Variants in MMP26 observed in about 807,000 individuals in gnomAD.
MMP26 encodes matrix metallopeptidase 26, also known as matrix metalloproteinase-26.
MMP26 carries 33 observed loss-of-function variants against 31.0 expected under a neutral mutation model. That is an observed-to-expected ratio of 1.06 (90% confidence interval 0.81 to 1.42). MMP26 has a LOEUF of 1.42. MMP26 is among the 40% of genes most tolerant of loss of function. The pLI, the probability that MMP26 is intolerant of heterozygous loss-of-function variation, is 0.00. For synonymous variants in MMP26, 122 were observed against 114.9 expected (o/e 1.06, Z -0.40); for missense variants, 347 against 316.1 (o/e 1.10, Z -0.74).
At position 4,789,354 on chromosome 11, in the gene MMP26, T is replaced by C. The variant is rs537403529; in HGVS notation, c.-145+22013T>C. 5.9e-5 allele frequency among the ~76,000 whole-genome samples: 9 copies of C among 152,126 alleles called. No individual in the cohort carries two copies. The East Asian group carries it at 1.5e-3, about 26-fold the overall frequency. On this transcript the variant is annotated intron_variant, in intron 2 of 7. Coordinates refer to ENST00000380390, the MANE Select transcript of MMP26 (RefSeq NM_021801.5). ...CTCTATTTCTATCTGGAAAATAAAG[T>C]GATTTTGGGGTCTCTGTTACTATAT...
chr11:4,954,230 G>C (rs1172809411), intron 2 of MMP26, among the ~76,000 whole-genome samples: 1 of 90,262 alleles, frequency 1.1e-5, no homozygotes, highest in Admixed American at 1.4e-4. Context: ...TGACTTCTAG[G>C]GTGGGGAAAT....
chr11:4,929,855 T>G (rs1851322349), intron 2 of MMP26, among the ~76,000 whole-genome samples: 1 of 152,170 alleles, frequency 6.6e-6, no homozygotes, highest in Non-Finnish European at 1.5e-5. Flanking sequence ...GTGAATGCTA[T>G]TTTTAATTCA....
chr11:4,908,399 G>A (rs1177534024), intron 2 of MMP26: 1 of 1,077,274 alleles, frequency 9.3e-7, no homozygotes, highest in East Asian at 2.4e-5. Flanking sequence ...ACTAATGAAG[G>A]ACTGGATGAT....
At chr11:4,706,918 T>C (rs1001707601) in intron 1 of MMP26, among the ~76,000 whole-genome samples, 2 of 152,230 alleles carry the variant, frequency 1.3e-5, no homozygotes, top group Non-Finnish European at 2.9e-5. Context: ...TATTACTGCT[T>C]TTAAGGTTGA....
At chr11:4,818,790 T>G (rs553307170) in intron 2 of MMP26, among the ~76,000 whole-genome samples, 96 of 152,296 alleles carry the variant, frequency 6.3e-4, no homozygotes, top group African/African-American at 2.1e-3. Flanking sequence ...AGGTACTTAA[T>G]AAATGGATGT....
intron 2 of MMP26, among the ~76,000 whole-genome samples, chr11:4,874,921 C>G (rs1397506901): frequency 6.6e-6 from 1 of 152,014 alleles, no homozygotes; most frequent in South Asian, 2.1e-4. Context: ...TTGCTGCTAA[C>G]TCAAGATGAC....
chr11:4,862,175 C>T (rs933768159), intron 2 of MMP26, among the ~76,000 whole-genome samples: 1 of 152,162 alleles, frequency 6.6e-6, no homozygotes, highest in Non-Finnish European at 1.5e-5. Flanking sequence ...TCCATAGTAG[C>T]TTAAGGTTTC....
intron 2 of MMP26, chr11:4,848,449 C>T: frequency 6.2e-7 from 1 of 1,613,710 alleles, no homozygotes; most frequent in South Asian, 1.1e-5. Context: ...AGGAGCACTG[C>T]AGAGAGGTGG....
intron 1 of MMP26, among the ~76,000 whole-genome samples, chr11:4,734,742 T>A (rs1419434794): frequency 1.3e-5 from 1 of 74,442 alleles, no homozygotes; most frequent in Non-Finnish European, 2.8e-5. Context: ...CCCTTTCCTC[T>A]TGGACTTACA....
At chr11:4,989,324 A>G (rs923379767) in intron 3 of MMP26, among the ~76,000 whole-genome samples, 1 of 152,236 alleles carries the variant, frequency 6.6e-6, no homozygotes, top group African/African-American at 2.4e-5. Flanking sequence ...ACCAGAGGCC[A>G]TCTTCCCCGG....
chr11:4,816,759 A>C lies in MMP26; in HGVS notation c.-145+49418A>C, dbSNP rs918817090. Among the ~76,000 whole-genome samples the C allele has an allele frequency of 6.7e-5, 9 of 133,744 alleles. 1 individual carries two copies. The highest frequency in any genetic ancestry group is 9.1e-5 in the Non-Finnish European group (6 of 65,690). The allele number at this position is 133,744 out of a possible 152,430, so 87.7% of individuals were successfully genotyped here. Reference sequence around the variant, plus strand: ...CGCTCTATTGCCCAGGCTGGAACTCAGTGGCGGGATCTCGGCTCACTGCAA... The same window carrying C: ...CGCTCTATTGCCCAGGCTGGAACTCCGTGGCGGGATCTCGGCTCACTGCAA... On this transcript the variant is annotated intron_variant, in intron 2 of 7. Coordinates refer to ENST00000380390, the MANE Select transcript of MMP26 (RefSeq NM_021801.5).
chr11:4,966,667 C>T (rs112966490), intron 2 of MMP26, among the ~76,000 whole-genome samples: 1,926 of 152,200 alleles, frequency 0.013, 52 homozygotes, highest in African/African-American at 0.043. Flanking sequence ...GTGTGAACAA[C>T]GTTAGTTCAT....
At chr11:4,848,174 G>T in intron 2 of MMP26, 7 of 1,504,216 alleles carry the variant, frequency 4.7e-6, no homozygotes, top group Non-Finnish European at 6.3e-6. Flanking sequence ...TTGGTGAGCT[G>T]AGTTCTCACA....
intron 1 of MMP26, chr11:4,723,245 A>G: frequency 8.1e-7 from 1 of 1,234,196 alleles, no homozygotes; most frequent in Non-Finnish European, 1.2e-6. Context: ...GAGCCGGCTG[A>G]TGTTCCAGTT....
chr11:4,894,292 TTAA>T (rs1292931643), intron 2 of MMP26, among the ~76,000 whole-genome samples: 1 of 152,188 alleles, frequency 6.6e-6, no homozygotes, highest in Non-Finnish European at 1.5e-5. Flanking sequence ...CATAGAGAGA[TTAA>T]TTTCTCAAAG....
chr11:4,962,071 A>G lies in MMP26; in HGVS notation c.-144-25997A>G, dbSNP rs193092671. 3.3e-5 allele frequency among the ~76,000 whole-genome samples: 5 copies of G among 151,914 alleles called. No individual in the cohort carries two copies. The East Asian group carries it at 9.7e-4, about 30-fold the overall frequency. On this transcript the variant is annotated intron_variant, in intron 2 of 7. Coordinates refer to ENST00000380390, the MANE Select transcript of MMP26 (RefSeq NM_021801.5). ...GTTTGTTTTTTGTATATTTATTCCTATCCTATCTGCTGGTAAGCACAAATT... is the reference window on the plus strand; with the variant it reads ...GTTTGTTTTTTGTATATTTATTCCTGTCCTATCTGCTGGTAAGCACAAATT...
intron 2 of MMP26, among the ~76,000 whole-genome samples, chr11:4,880,925 G>A (rs893430410): frequency 3.3e-5 from 5 of 152,098 alleles, no homozygotes; most frequent in Admixed American, 2.0e-4. Context: ...CAGAAAATAG[G>A]GATGTTGACC....
chr11:4,786,968 A>T (rs989008185), intron 2 of MMP26: 1 of 152,844 alleles, frequency 6.5e-6, no homozygotes, highest in African/African-American at 2.4e-5. Flanking sequence ...TCTGCCGCTG[A>T]CCTGGGGCTG....
intron 2 of MMP26, among the ~76,000 whole-genome samples, chr11:4,786,155 T>A (rs111642236): frequency 0.095 from 14,438 of 151,830 alleles, 860 homozygotes; most frequent in Middle Eastern, 0.15. Context: ...GACCCTGGAG[T>A]AGGTAAGGAG....
Sources: allele counts gnomAD v4.1 joint callset (sites outside exome capture counted in the v4.1 genomes callset), GRCh38; gene constraint gnomAD v4.1.1; transcripts MANE v1.5; gene names NCBI Gene and HGNC (gene_info 2026-07-23, HGNC 2026-07-21).